Variants in FKBP5 observed in about 807,000 individuals in gnomAD.
FKBP5 encodes the protein FKBP prolyl isomerase 5.
FKBP5 carries 23 observed loss-of-function variants against 50.5 expected under a neutral mutation model. That is an observed-to-expected ratio of 0.46 (90% confidence interval 0.33 to 0.65). FKBP5 has a LOEUF of 0.65. FKBP5 is among the 30% of genes least tolerant of loss of function. The pLI, the probability that FKBP5 is intolerant of heterozygous loss-of-function variation, is 0.02. For synonymous variants in FKBP5, 176 were observed against 190.6 expected (o/e 0.92, Z 0.63); for missense variants, 411 against 553.1 (o/e 0.74, Z 2.58).
At chr6:35,615,658 A>G (rs540505068) in intron 5 of FKBP5, among the ~76,000 whole-genome samples, 1 of 152,352 alleles carries the variant, frequency 6.6e-6, no homozygotes, top group South Asian at 2.1e-4. Context: ...AGAGAATAAC[A>G]GCAATAGAAA....
chr6:35,586,486 GC>G (rs1209715201), intron 8 of FKBP5: 1 of 988,640 alleles, frequency 1.0e-6, no homozygotes, highest in Non-Finnish European at 1.2e-6. Context: ...AGGAAGATGG[GC>G]CCGGTGCAGT....
Position 35,575,852 on chromosome 6 carries a change from G to T in FKBP5, c.1357C>A (p.Pro453Thr). 6.2e-7 allele frequency: 1 copy of T among 1,613,384 alleles called. No individual in the cohort carries two copies. Among genetic ancestry groups the T allele is most frequent in the Non-Finnish European group, 8.5e-7 (1 of 1,179,332 alleles). Reference protein sequence around the residue: ...TDSQAMEEEKPEGHV With the variant: ...TDSQAMEEEKTEGHV ...GCGTGGCGTCATACGTGGCCCTCAG[G>T]TTTCTCTTCTTCCATTGCTTGACTG... Residue 453 changes from proline to threonine, a missense_variant, in exon 11 of 11, where the codon CCT (proline) becomes ACT (threonine). Pro to Thr is a conservative substitution (Grantham distance 38, BLOSUM62 -1). Transcript: ENST00000357266.
chr6:35,641,363 C>T (rs1291635629), intron 2 of FKBP5, among the ~76,000 whole-genome samples: 1 of 152,088 alleles, frequency 6.6e-6, no homozygotes, highest in African/African-American at 2.4e-5. Flanking sequence ...AACACATAAA[C>T]CAGTAATATA....
intron 2 of FKBP5, among the ~76,000 whole-genome samples, chr6:35,720,162 G>A (rs1289302608): frequency 1.3e-5 from 2 of 152,224 alleles, no homozygotes; most frequent in Non-Finnish European, 2.9e-5. Context: ...GCCTGAGAGG[G>A]GTGTGTGTAT....
At chr6:35,673,554 G>A (rs1361643072) in intron 1 of FKBP5, among the ~76,000 whole-genome samples, 2 of 151,918 alleles carry the variant, frequency 1.3e-5, no homozygotes, top group Non-Finnish European at 2.9e-5. Flanking sequence ...AAAAAAAGAA[G>A]AAAACAGAAA....
At chr6:35,630,404 A>C (rs1424531459) in intron 3 of FKBP5, among the ~76,000 whole-genome samples, 3 of 151,474 alleles carry the variant, frequency 2.0e-5, no homozygotes, top group Admixed American at 1.3e-4. Context: ...AAAATTAGCC[A>C]GGCATGGTGG....
intron 2 of FKBP5, among the ~76,000 whole-genome samples, chr6:35,701,223 G>T (rs4713913): frequency 0.013 from 1,946 of 148,286 alleles, 19 homozygotes; most frequent in African/African-American, 0.034. Context: ...TTGTTTGTTT[G>T]TTTGTTTTTG....
chr6:35,578,096 G>A (rs183181306), intron 9 of FKBP5, among the ~76,000 whole-genome samples: 103 of 147,742 alleles, frequency 7.0e-4, no homozygotes, highest in African/African-American at 2.5e-3. Flanking sequence ...CATATTGTAA[G>A]CACAAAAGTA....
At chr6:35,645,300 G>C (rs1482173741) in intron 1 of FKBP5, among the ~76,000 whole-genome samples, 2 of 152,184 alleles carry the variant, frequency 1.3e-5, no homozygotes, top group African/African-American at 4.8e-5. Flanking sequence ...AAGGTGGCGT[G>C]CACCTGTAGT....
intron 8 of FKBP5, chr6:35,584,956 A>C: frequency 1.0e-6 from 1 of 985,458 alleles, no homozygotes; most frequent in Non-Finnish European, 1.2e-6. Context: ...TCTGCTACTG[A>C]TCACTAATTC....
In FKBP5 at chr6:35,672,625, G is replaced by A. The variant is rs151298544; in HGVS notation, c.-20+16179C>T. Among the ~76,000 whole-genome samples the A allele has an allele frequency of 5.9e-5, 9 of 152,106 alleles. No individual in the cohort carries two copies. In the East Asian group the frequency reaches 1.5e-3, roughly 26 times the overall value. On this transcript the variant is annotated intron_variant, in intron 1 of 10. Transcript: ENST00000357266. ...AAATGATTTCTTGATTATGCTTATG[G>A]CGACTAAAAAGTATTTGTGGCTGGA...
intron 1 of FKBP5, among the ~76,000 whole-genome samples, chr6:35,675,337 C>T (rs1054278280): frequency 1.3e-5 from 2 of 152,084 alleles, no homozygotes; most frequent in African/African-American, 2.4e-5. Context: ...TTTGGGAGGC[C>T]GAGGCGGGTG....
rs183920028 is a variant in FKBP5, at chr6:35,697,337, C to T, written c.-20+22991G>A. Among the ~76,000 whole-genome samples, 656 of 152,230 alleles carry T rather than the reference C, an allele frequency of 4.3e-3. 8 individuals carry two copies. Among genetic ancestry groups the T allele is most frequent in the African/African-American group, 0.015 (626 of 41,556 alleles). On this transcript the variant is annotated intron_variant, in intron 2 of 11. Transcript: ENST00000536438. ...CCGAGGCAGACAGATCACCTGAGGTCGGGAGTTCAAGACCAGCCTGACCAA... is the reference window on the plus strand; with the variant it reads ...CCGAGGCAGACAGATCACCTGAGGTTGGGAGTTCAAGACCAGCCTGACCAA...
At chr6:35,645,743 T>C (rs182451124) in intron 1 of FKBP5, among the ~76,000 whole-genome samples, 6 of 152,352 alleles carry the variant, frequency 3.9e-5, no homozygotes, top group Non-Finnish European at 8.8e-5. Context: ...TTTCAAATCA[T>C]CCAAAGACAA....
rs1392092467 is a variant in FKBP5 at position 35,574,242 on chromosome 6, T to C, written c.*1593A>G. ...AGTATTATAAAAGGAAATAACTTGA[T>C]TTTTAGGTTTGAAGGGGGTCCCAAT... On this transcript the variant is annotated 3_prime_UTR_variant, in exon 11 of 11. Coordinates refer to ENST00000357266, the MANE Select transcript of FKBP5 (RefSeq NM_004117.4). The C allele has an allele frequency of 6.6e-6, 1 of 152,240 alleles. No homozygotes were observed. Among genetic ancestry groups the C allele is most frequent in the Non-Finnish European group, 1.5e-5 (1 of 68,032 alleles). 9.4% of individuals were successfully genotyped at this position (152,240 alleles called of 1,614,324 possible). A position where few individuals can be genotyped will look rare whatever the true frequency, so the allele number is the denominator to read the frequency against.
intron 2 of FKBP5, among the ~76,000 whole-genome samples, chr6:35,698,450 C>T (rs1044474477): frequency 1.1e-4 from 17 of 152,042 alleles, no homozygotes; most frequent in African/African-American, 3.4e-4. Flanking sequence ...AGTTGGAGAC[C>T]AGCCTGGCCA....
intron 10 of FKBP5, 101 bp downstream of exon 10, chr6:35,576,893 C>T: frequency 1.4e-6 from 2 of 1,423,988 alleles, no homozygotes; most frequent in Non-Finnish European, 1.9e-6. Context: ...GTTTTCCCTG[C>T]TCTTGAGCCT....
chr6:35,669,094 A>C (rs947311636), intron 1 of FKBP5, among the ~76,000 whole-genome samples: 3 of 152,190 alleles, frequency 2.0e-5, no homozygotes, highest in Admixed American at 6.6e-5. Flanking sequence ...AAAGCTATAG[A>C]CTGTATTAAT....
At chr6:35,662,575 C>T (rs1471547862) in intron 1 of FKBP5, among the ~76,000 whole-genome samples, 1 of 151,980 alleles carries the variant, frequency 6.6e-6, no homozygotes, top group Non-Finnish European at 1.5e-5. Context: ...TGAGCCATCA[C>T]GCCTGGCTGT....
Sources: gnomAD v4.1 joint callset for allele counts (sites outside exome capture counted in the v4.1 genomes callset) on GRCh38, gnomAD v4.1.1 for gene constraint, MANE v1.5 for transcripts, NCBI Gene and HGNC (gene_info 2026-07-23, HGNC 2026-07-21) for gene names.